Variants in TRPM3 observed in about 807,000 individuals in gnomAD.
The protein encoded by TRPM3 is long transient receptor potential channel 3.
TRPM3 carries 77 observed loss-of-function variants against 181.2 expected under a neutral mutation model. The ratio of observed to expected loss-of-function variants is 0.42; its 90% CI spans 0.35 to 0.51. The LOEUF is 0.51. TRPM3 is among the 20% of genes least tolerant of loss of function. The pLI, the probability that TRPM3 is intolerant of heterozygous loss-of-function variation, is 0.01. For missense variants in TRPM3, 1,759 were observed against 2,196.7 expected (o/e 0.80, Z 3.98); for synonymous variants, 745 against 796.4 (o/e 0.94, Z 1.09).
chr9:70,789,546 T>C (rs1333890848), intron 6 of TRPM3, among the ~76,000 whole-genome samples: 1 of 152,230 alleles, frequency 6.6e-6, no homozygotes, highest in Non-Finnish European at 1.5e-5. Context: ...ATTCCTTAGT[T>C]GATTGCAGTC....
intron 1 of TRPM3, among the ~76,000 whole-genome samples, chr9:71,066,637 A>G (rs1355397423): frequency 6.6e-6 from 1 of 152,176 alleles, no homozygotes; most frequent in African/African-American, 2.4e-5. Flanking sequence ...TGTATAATTA[A>G]CAACTCTGAG....
chr9:71,146,700 T>G (rs945372340), intron 1 of TRPM3, among the ~76,000 whole-genome samples: 2 of 152,172 alleles, frequency 1.3e-5, no homozygotes, highest in African/African-American at 4.8e-5. Flanking sequence ...ACGCCATTAC[T>G]GGTTACAGGA....
chr9:71,375,063 A>C (rs1244179468), intron 1 of TRPM3, among the ~76,000 whole-genome samples: 2 of 152,208 alleles, frequency 1.3e-5, no homozygotes, highest in Admixed American at 6.5e-5. Flanking sequence ...ACTGCCAGTC[A>C]CATTCTTCAC....
At chr9:70,786,383 G>A (rs1346479400) in intron 6 of TRPM3, among the ~76,000 whole-genome samples, 2 of 150,324 alleles carry the variant, frequency 1.3e-5, no homozygotes, top group African/African-American at 4.9e-5. Context: ...TACTTGGGAG[G>A]CTGAAGCTGG....
chr9:71,016,508 T>C (rs921957778), intron 1 of TRPM3, among the ~76,000 whole-genome samples: 2 of 152,164 alleles, frequency 1.3e-5, no homozygotes, highest in African/African-American at 4.8e-5. Context: ...TGGAACCATA[T>C]ACAATTTGTC....
intron 1 of TRPM3, among the ~76,000 whole-genome samples, chr9:71,071,337 G>C (rs568126382): frequency 6.6e-5 from 10 of 152,224 alleles, no homozygotes; most frequent in Admixed American, 1.3e-4. Context: ...CACTGTATTT[G>C]GGAATCTTTT....
chr9:71,289,913 A>G (rs1035982195), intron 1 of TRPM3, among the ~76,000 whole-genome samples: 4 of 150,208 alleles, frequency 2.7e-5, no homozygotes, highest in African/African-American at 4.9e-5. Flanking sequence ...CTAGATAAGA[A>G]CTAGATAAGA....
intron 1 of TRPM3, among the ~76,000 whole-genome samples, chr9:71,304,761 A>G (rs1253174682): frequency 6.6e-6 from 1 of 152,208 alleles, no homozygotes; most frequent in Non-Finnish European, 1.5e-5. Flanking sequence ...ACTACAGGAT[A>G]CAGTACAAGA....
chr9:70,792,885 G>GAAAA (rs903090407), intron 6 of TRPM3, among the ~76,000 whole-genome samples: 8 of 151,640 alleles, frequency 5.3e-5, no homozygotes, highest in African/African-American at 1.9e-4. Flanking sequence ...TAATAAGAGA[G>GAAAA]AAAAAAATTC....
At chr9:70,670,810 T>C (rs1173355544) in intron 9 of TRPM3, among the ~76,000 whole-genome samples, 1 of 152,178 alleles carries the variant, frequency 6.6e-6, no homozygotes, top group Admixed American at 6.5e-5. Context: ...GAGCTAGCAA[T>C]AACCATGTCA....
intron 9 of TRPM3, among the ~76,000 whole-genome samples, chr9:70,654,214 T>C (rs1389935307): frequency 6.6e-6 from 1 of 152,168 alleles, no homozygotes; most frequent in Non-Finnish European, 1.5e-5. Context: ...TGTGAGGAAC[T>C]GAACTGTTGT....
Position 70,531,507 on chromosome 9 carries a change from G to T in TRPM3, c.*4446C>A, listed in dbSNP as rs1239155092. On this transcript the variant is annotated 3_prime_UTR_variant, in exon 26 of 26. Transcript: ENST00000677713. ...TTTGTTGACACAAAATTAAGACCAG[G>T]TTTGGAGAGAGATTACTTCATTTCA... 2.6e-5 allele frequency: 4 copies of T among 152,128 alleles called. No individual in the cohort carries two copies. Among genetic ancestry groups the T allele is most frequent in the Admixed American group, 6.5e-5 (1 of 15,274 alleles). 9.4% of individuals were successfully genotyped at this position (152,128 alleles called of 1,614,324 possible). A position where few individuals can be genotyped will look rare whatever the true frequency, so the allele number is the denominator to read the frequency against.
At chr9:70,578,263 C>G (rs1370589838) in intron 22 of TRPM3, among the ~76,000 whole-genome samples, 1 of 135,004 alleles carries the variant, frequency 7.4e-6, no homozygotes, top group Non-Finnish European at 1.5e-5. Context: ...ACTCAGACCA[C>G]TTTCTTTGTG....
intron 1 of TRPM3, among the ~76,000 whole-genome samples, chr9:70,982,493 C>G (rs895325182): frequency 6.6e-6 from 1 of 152,196 alleles, no homozygotes; most frequent in Non-Finnish European, 1.5e-5. Flanking sequence ...CTCCTCCAGT[C>G]TCCTCAAGAA....
rs766282978 is a variant in TRPM3 at position 70,874,880 on chromosome 9, CTGTCTA to C, written c.178-10375_178-10370del. ...AAAAAATCAATCTCTTTCTCTCTCT[CTGTCTA>C]TATGTATGTATACATGTATATTATA... On this transcript the variant is annotated intron_variant, in intron 1 of 25. Coordinates refer to ENST00000677713, the MANE Select transcript of TRPM3 (RefSeq NM_001366145.2). Among the ~76,000 whole-genome samples the C allele has an allele frequency of 9.2e-4, 140 of 152,022 alleles. 3 individuals carry two copies. The East Asian group carries it at 0.019, about 21-fold the overall frequency.
At position 71,417,045 on chromosome 9, in the gene TRPM3, T is replaced by A. The variant is rs548915050; in HGVS notation, c.183+29608A>T. Among the ~76,000 whole-genome samples, 183 of 152,144 alleles carry A rather than the reference T, an allele frequency of 1.2e-3. 1 individual carries two copies. Among genetic ancestry groups the A allele is most frequent in the Non-Finnish European group, 2.9e-4 (20 of 67,940 alleles). On this transcript the variant is annotated intron_variant, in intron 1 of 24. Coordinates refer to the TRPM3 transcript ENST00000357533. ...CTGAATATTTCATTGTAGAGATATA[T>A]CACAATTCATTTGTTTATCTATTAA...
In TRPM3 at chr9:71,121,616, C is replaced by A. The variant is rs1047499793; in HGVS notation, c.-262G>T. 3 of 1,225,662 alleles carry A rather than the reference C, an allele frequency of 2.4e-6. No homozygotes were observed. In the African/African-American group the frequency reaches 4.6e-5, roughly 19 times the overall value. The allele number at this position is 1,225,662 out of a possible 1,614,324, so 75.9% of individuals were successfully genotyped here. A position where few individuals can be genotyped will look rare whatever the true frequency, so the allele number is the denominator to read the frequency against. On this transcript the variant is annotated 5_prime_UTR_variant, in exon 1 of 26. Transcript: ENST00000677713. ...TGGTCGGAGTCAAAGCAGCCTGCTC[C>A]AGAATGCGCGCTCCCTCTCCCGCTC...
At chr9:70,576,465 T>A in intron 22 of TRPM3, among the ~76,000 whole-genome samples, 1 of 133,022 alleles carries the variant, frequency 7.5e-6, no homozygotes, top group African/African-American at 2.9e-5. Flanking sequence ...CTGCTATAGA[T>A]CTTCTTCTTC....
chr9:70,950,949 AT>A (rs2096991585), intron 1 of TRPM3, among the ~76,000 whole-genome samples: 1 of 152,086 alleles, frequency 6.6e-6, no homozygotes, highest in Non-Finnish European at 1.5e-5. Flanking sequence ...TTAATAAATA[AT>A]TATGTTTGAA....
Sources: allele counts gnomAD v4.1 joint callset (sites outside exome capture counted in the v4.1 genomes callset), GRCh38; gene constraint gnomAD v4.1.1; transcripts MANE v1.5; gene names NCBI Gene and HGNC (gene_info 2026-07-23, HGNC 2026-07-21).